Variants in AGL observed in about 807,000 individuals in gnomAD.
AGL encodes the protein amylo-alpha-1,6-glucosidase and 4-alpha-glucanotransferase.
Under a neutral mutation model 199.3 loss-of-function variants are expected in AGL, and 128 were observed. The ratio of observed to expected loss-of-function variants is 0.64; its 90% CI spans 0.56 to 0.74. The LOEUF (loss-of-function observed/expected upper bound fraction) is 0.74, where lower values mean the gene tolerates loss of function less well. AGL is among the 30% of genes least tolerant of loss of function. The pLI is 0.00. For missense variants in AGL, 1,809 were observed against 1,820.8 expected (o/e 0.99, Z 0.12); for synonymous variants, 584 against 594.7 (o/e 0.98, Z 0.26).
intron 27 of AGL, among the ~76,000 whole-genome samples, chr1:99,908,689 A>AAGT (rs1272731547): frequency 1.3e-5 from 2 of 152,084 alleles, no homozygotes; most frequent in Non-Finnish European, 2.9e-5. Flanking sequence ...TTGGCCTGAC[A>AAGT]AGTAGTTTTT....
At chr1:99,870,072 T>G (rs1435090078) in intron 5 of AGL, among the ~76,000 whole-genome samples, 1 of 152,226 alleles carries the variant, frequency 6.6e-6, no homozygotes, top group Non-Finnish European at 1.5e-5. Flanking sequence ...TCAACCTCGC[T>G]TTTATCCAAC....
chr1:99,874,499 G>T, intron 7 of AGL, 188 bp from the exon 8 acceptor site: 1 of 586,026 alleles, frequency 1.7e-6, no homozygotes, highest in Non-Finnish European at 3.0e-6. Flanking sequence ...GTGTGTTTGC[G>T]CGTGCACGCA....
intron 5 of AGL, among the ~76,000 whole-genome samples, chr1:99,867,717 G>A (rs894878066): frequency 6.6e-6 from 1 of 151,932 alleles, no homozygotes; most frequent in Non-Finnish European, 1.5e-5. Context: ...CACCATGCCT[G>A]GCTAATTTTT....
intron 29 of AGL, 29 bp downstream of exon 29, chr1:99,912,546 C>G (rs375337863): frequency 1.4e-6 from 2 of 1,477,056 alleles, no homozygotes; most frequent in Non-Finnish European, 1.9e-6. Context: ...TTACAAAGAA[C>G]CTTCAAATGT....
chr1:99,878,185 G>A (rs896360412), intron 12 of AGL, among the ~76,000 whole-genome samples: 8 of 151,898 alleles, frequency 5.3e-5, no homozygotes, highest in African/African-American at 1.9e-4. Context: ...GACTGTGAAG[G>A]TGAATAGCTT....
At chr1:99,887,870 A>T in intron 20 of AGL, 108 bp from the exon 21 acceptor site, 4 of 1,292,284 alleles carry the variant, frequency 3.1e-6, no homozygotes, top group Non-Finnish European at 4.4e-6. Context: ...TTCCTAAAAC[A>T]TACACTGCTA....
intron 2 of AGL, among the ~76,000 whole-genome samples, chr1:99,856,822 G>A (rs986205011): frequency 6.6e-6 from 1 of 152,212 alleles, no homozygotes; most frequent in Non-Finnish European, 1.5e-5. Context: ...ACAAAATAGA[G>A]TCTCCCATGT....
At chr1:99,882,868 C>G (rs1415398490) in intron 17 of AGL, among the ~76,000 whole-genome samples, 1 of 152,060 alleles carries the variant, frequency 6.6e-6, no homozygotes, top group African/African-American at 2.4e-5. Flanking sequence ...TGCATAGTTC[C>G]GGTTTTTAAA....
chr1:99,916,327 C>A, intron 31 of AGL, 83 bp from the exon 32 acceptor site: 1 of 1,058,968 alleles, frequency 9.4e-7, no homozygotes, highest in Non-Finnish European at 1.4e-6. Flanking sequence ...ATTTCTCTTA[C>A]CTTTGTTATT....
chr1:99,897,746 T>A (rs1653445511), intron 25 of AGL, among the ~76,000 whole-genome samples: 3 of 152,348 alleles, frequency 2.0e-5, no homozygotes, highest in South Asian at 2.1e-4. Flanking sequence ...CTTCTAATCC[T>A]GGTTCCAAAC....
rs1461972561 is a variant in AGL, at chr1:99,880,798, A to G, written c.1899+3A>G. On this transcript the variant is annotated splice_donor_region_variant and intron_variant, in intron 14 of 33. Transcript: ENST00000361915. ...ATGATAATGAGTGTCCTATTGTGGTAAGCACCTAATCTTTTTCATGTACTT... is the reference window on the plus strand; with the variant it reads ...ATGATAATGAGTGTCCTATTGTGGTGAGCACCTAATCTTTTTCATGTACTT... 4 of 1,613,864 alleles carry G rather than the reference A, an allele frequency of 2.5e-6. No individual in the cohort carries two copies. In the Admixed American group the frequency reaches 6.7e-5, roughly 27 times the overall value.
intron 4 of AGL, among the ~76,000 whole-genome samples, chr1:99,863,310 T>C (rs975511919): frequency 1.3e-5 from 2 of 152,048 alleles, no homozygotes; most frequent in African/African-American, 4.8e-5. Context: ...GCTTAAGAAA[T>C]GAAGGAACTC....
chr1:99,917,501 GC>G (rs1287073597), intron 33 of AGL, among the ~76,000 whole-genome samples: 2 of 152,126 alleles, frequency 1.3e-5, no homozygotes, highest in Non-Finnish European at 2.9e-5. Context: ...ATCGGGCCTT[GC>G]TCTCGTGTAG....
chr1:99,910,885 T>C (rs1343607768), intron 28 of AGL, 38 bp downstream of exon 28: 1 of 1,597,992 alleles, frequency 6.3e-7, no homozygotes, highest in African/African-American at 1.3e-5. Context: ...ATTATACCCT[T>C]CTTTAAGAAA....
chr1:99,908,943 G>A (rs1654525979), intron 27 of AGL, among the ~76,000 whole-genome samples: 1 of 152,074 alleles, frequency 6.6e-6, no homozygotes, highest in African/African-American at 2.4e-5. Context: ...CAAACCTTTG[G>A]GTGTGTTAAT....
intron 24 of AGL, among the ~76,000 whole-genome samples, chr1:99,895,382 A>C (rs1653217765): frequency 6.6e-6 from 1 of 152,210 alleles, no homozygotes; most frequent in African/African-American, 2.4e-5. Flanking sequence ...CCAATTACCT[A>C]GAATGAAGGA....
Position 99,881,329 on chromosome 1 carries a change from G to A in AGL, c.2039G>A (p.Trp680Ter), listed in dbSNP as rs113994129. 13 of 1,613,932 alleles carry A rather than the reference G, an allele frequency of 8.1e-6. No homozygotes were observed. The highest frequency in any genetic ancestry group is 1.7e-5 in the Admixed American group (1 of 59,986). Residue 680 changes from tryptophan to a stop codon, truncating the protein, a stop_gained, in exon 16 of 34, where the codon TGG (tryptophan) becomes TAG (stop). Transcript: ENST00000361915. LOFTEE classifies it high-confidence loss of function. ...TCTGAAGAACGGTTTTACACTAAGT[G>A]GAATCCTGAAGCATTGCCTTCAAAC... ...VVSEERFYTK[W>*]NPEALPSNTG...
In AGL at chr1:99,880,695, C is replaced by A. The variant is rs1466258038; in HGVS notation, c.1799C>A (p.Pro600His). Reference sequence around the variant, plus strand: ...TTAGTTTACCGATATGGAGGAGAACCTGTTGGATCCTTTGTTCAGCCCTGT... The same window carrying A: ...TTAGTTTACCGATATGGAGGAGAACATGTTGGATCCTTTGTTCAGCCCTGT... The part of the protein sequence containing the change: ...GRLVYRYGGE[P>H]VGSFVQPCLR... The change falls in exon 14 of 34, where the codon CCT becomes CAT. Residue 600 changes from proline to histidine, a missense_variant. Pro to His is a moderately conservative substitution (Grantham distance 77, BLOSUM62 -2). Transcript: ENST00000361915. 6.2e-7 allele frequency: 1 copy of A among 1,613,972 alleles called. No individual in the cohort carries two copies. Among genetic ancestry groups the A allele is most frequent in the East Asian group, 2.2e-5 (1 of 44,856 alleles).
In AGL at chr1:99,915,487, G is replaced by A. The variant is rs756689891; in HGVS notation, c.4259+1G>A. The A allele has an allele frequency of 1.3e-6, 2 of 1,593,670 alleles. No individual in the cohort carries two copies. Among genetic ancestry groups the A allele is most frequent in the Non-Finnish European group, 1.7e-6 (2 of 1,162,236 alleles). ...TTGGCATGAAAACTTTAGATCCAGA[G>A]TAAGTTGGAATATAAGTATTAAGAA... On this transcript the variant is annotated splice_donor_variant, in intron 31 of 33. Coordinates refer to ENST00000361915, the MANE Select transcript of AGL (RefSeq NM_000642.3). LOFTEE classifies it high-confidence loss of function.
Sources: gnomAD v4.1 joint callset for allele counts (sites outside exome capture counted in the v4.1 genomes callset) on GRCh38, gnomAD v4.1.1 for gene constraint, MANE v1.5 for transcripts, NCBI Gene and HGNC (gene_info 2026-07-23, HGNC 2026-07-21) for gene names.